Variants in AHCTF1 observed in about 807,000 individuals in gnomAD.
AHCTF1 encodes the protein AT-hook containing transcription factor 1, also known as protein ELYS.
AHCTF1 carries 24 observed loss-of-function variants against 248.4 expected under a neutral mutation model. The observed-to-expected ratio is 0.10, with a 90% CI of 0.07 to 0.14. The LOEUF (loss-of-function observed/expected upper bound fraction) is 0.14. AHCTF1 is among the 10% of genes least tolerant of loss of function. The pLI is 1.00. For synonymous variants in AHCTF1, 786 were observed against 929.8 expected (o/e 0.85, Z 2.81); for missense variants, 2,206 against 2,636.2 (o/e 0.84, Z 3.57).
chr1:246,928,217 G>A (rs982076372), intron 1 of AHCTF1, among the ~76,000 whole-genome samples: 1 of 150,714 alleles, frequency 6.6e-6, no homozygotes, highest in Non-Finnish European at 1.5e-5. Context: ...GCAGGAGAAT[G>A]GCATGAACCC....
intron 5 of AHCTF1, 23 bp from the exon 6 acceptor site, chr1:246,905,680 A>G (rs769136756): frequency 1.9e-6 from 3 of 1,565,908 alleles, no homozygotes; most frequent in East Asian, 2.3e-5. Flanking sequence ...AGTATATTTC[A>G]TATTTTTAAG....
intron 20 of AHCTF1, among the ~76,000 whole-genome samples, chr1:246,886,590 A>T (rs1244162100): frequency 6.6e-6 from 1 of 152,048 alleles, no homozygotes. Flanking sequence ...TACAGACCCA[A>T]TTTTTTCCCC....
chr1:246,902,281 G>T, intron 8 of AHCTF1, among the ~76,000 whole-genome samples: 1 of 152,212 alleles, frequency 6.6e-6, no homozygotes, highest in East Asian at 1.9e-4. Context: ...ACTAGGGATC[G>T]CCTGTTTTGA....
intron 33 of AHCTF1, among the ~76,000 whole-genome samples, chr1:246,847,550 T>C (rs769706438): frequency 5.3e-5 from 8 of 152,150 alleles, no homozygotes; most frequent in Non-Finnish European, 1.2e-4. Context: ...CAGGCTGGAG[T>C]GCAGGGGCAC....
intron 24 of AHCTF1, among the ~76,000 whole-genome samples, chr1:246,875,176 C>T (rs2103101457): frequency 6.6e-6 from 1 of 152,082 alleles, no homozygotes; most frequent in East Asian, 1.9e-4. Flanking sequence ...CAACTGGGAC[C>T]ACTCCCTTAC....
At position 246,889,975 on chromosome 1, in the gene AHCTF1, C is replaced by T. The variant is rs142617351; in HGVS notation, c.2135G>A (p.Arg712His). ...YYTSRRQKFE[R>H]LSRGKWNPDC... is the part of the protein sequence containing the mutation. ...AATTGTTTTACTATACCTTGATAAA[C>T]GCTCAAACTTCTGTCGACGACTGGT... The change falls in exon 17 of 36, where the codon CGT becomes CAT. Residue 712 changes from arginine to histidine, a missense_variant. By Grantham distance (29) the Arg-to-His change is conservative. Transcript: ENST00000648844. The T allele has an allele frequency of 1.4e-4, 228 of 1,610,266 alleles. No homozygotes were observed. Among genetic ancestry groups the T allele is most frequent in the South Asian group, 7.0e-4 (63 of 90,614 alleles).
rs775038567 is a variant in AHCTF1 at position 246,913,448 on chromosome 1, C to A, written c.376-36G>T. ...TAATACGTGATTTGCTTTTCTTCTGCAAAGTAAGAAAATATAATTAACACA... is the reference window on the plus strand; with the variant it reads ...TAATACGTGATTTGCTTTTCTTCTGAAAAGTAAGAAAATATAATTAACACA... On this transcript the variant is annotated intron_variant, in intron 3 of 35. Transcript: ENST00000648844. The A allele has an allele frequency of 3.9e-6, 6 of 1,552,104 alleles. No individual in the cohort carries two copies. In the South Asian group the frequency reaches 7.1e-5, roughly 18 times the overall value.
intron 31 of AHCTF1, 63 bp from the exon 32 acceptor site, chr1:246,853,362 G>A: frequency 7.2e-7 from 1 of 1,384,420 alleles, no homozygotes; most frequent in Non-Finnish European, 1.0e-6. Flanking sequence ...ACACAAGGAA[G>A]CAAACAGAAA....
intron 21 of AHCTF1, among the ~76,000 whole-genome samples, chr1:246,884,535 TATAAA>T (rs1382486439): frequency 6.6e-6 from 1 of 152,152 alleles, no homozygotes; most frequent in Non-Finnish European, 1.5e-5. Flanking sequence ...GTAAAAGTGG[TATAAA>T]ATAAGTCTAG....
chr1:246,865,715 C>CA (rs1258531129), intron 26 of AHCTF1, among the ~76,000 whole-genome samples: 1 of 152,044 alleles, frequency 6.6e-6, no homozygotes. Context: ...CCTACCAAGT[C>CA]AAAGCAAAAC....
chr1:246,921,238 AAAT>A (rs1158016303), intron 1 of AHCTF1, among the ~76,000 whole-genome samples: 2 of 152,222 alleles, frequency 1.3e-5, no homozygotes, highest in Non-Finnish European at 2.9e-5. Context: ...AACAAAGAAA[AAAT>A]AAACACAGAA....
chr1:246,891,184 G>T, intron 15 of AHCTF1, 124 bp from the exon 16 acceptor site: 1 of 562,620 alleles, frequency 1.8e-6, no homozygotes, highest in Non-Finnish European at 3.0e-6. Flanking sequence ...ATACATATTT[G>T]TTCAAGATAT....
At chr1:246,885,381 G>T in intron 21 of AHCTF1, 112 bp downstream of exon 21, 2 of 854,992 alleles carry the variant, frequency 2.3e-6, no homozygotes, top group Non-Finnish European at 3.5e-6. Context: ...TAATACAAAG[G>T]ACTGACTTTA....
intron 25 of AHCTF1, 47 bp downstream of exon 25, chr1:246,867,614 T>TA: frequency 6.3e-7 from 1 of 1,596,670 alleles, no homozygotes; most frequent in Non-Finnish European, 8.5e-7. Context: ...TGATGTCCAG[T>TA]AAAGATTAAC....
chr1:246,863,880 A>G, intron 27 of AHCTF1, 44 bp downstream of exon 27: 1 of 1,578,808 alleles, frequency 6.3e-7, no homozygotes, highest in Non-Finnish European at 8.7e-7. Flanking sequence ...GAAAAGTAAG[A>G]GCCATCTAGT....
At chr1:246,875,126 G>A (rs776555868) in intron 24 of AHCTF1, among the ~76,000 whole-genome samples, 2 of 152,184 alleles carry the variant, frequency 1.3e-5, no homozygotes, top group African/African-American at 2.4e-5. Context: ...TCCTTACCAT[G>A]ACATGCGACC....
chr1:246,857,261 G>A (rs947016550), intron 30 of AHCTF1, among the ~76,000 whole-genome samples: 2 of 152,234 alleles, frequency 1.3e-5, no homozygotes, highest in Non-Finnish European at 1.5e-5. Flanking sequence ...TGTTTCAAAT[G>A]GTCGTTAAAA....
At chr1:246,915,054 G>A (rs1374151212) in intron 3 of AHCTF1, among the ~76,000 whole-genome samples, 7 of 152,180 alleles carry the variant, frequency 4.6e-5, no homozygotes, top group South Asian at 2.1e-4. Context: ...ACCACTGGCC[G>A]GGCGTGGTGG....
Position 246,850,389 on chromosome 1 carries a change from TAGG to T in AHCTF1, c.5614_5616del (p.Pro1872del). 2 of 1,609,442 alleles carry T rather than the reference TAGG, an allele frequency of 1.2e-6. No individual in the cohort carries two copies. Among genetic ancestry groups the T allele is most frequent in the Non-Finnish European group, 1.7e-6 (2 of 1,178,656 alleles). The stretch of plus-strand genomic sequence containing the variant: ...TTTTCTACAGATCTTTTAATTCTTC[TAGG>T]AGTCCTTTTTGTAACAGATGAAACC... On this transcript the variant is annotated inframe_deletion, in exon 33 of 36. Coordinates refer to ENST00000648844, the MANE Select transcript of AHCTF1 (RefSeq NM_001323342.2).
Sources: allele counts gnomAD v4.1 joint callset (sites outside exome capture counted in the v4.1 genomes callset), GRCh38; gene constraint gnomAD v4.1.1; transcripts MANE v1.5; gene names NCBI Gene and HGNC (gene_info 2026-07-23, HGNC 2026-07-21).